Variants in TTC19 observed in about 807,000 individuals in gnomAD.
TTC19 encodes the protein tetratricopeptide repeat protein 19, mitochondrial.
In TTC19, 38 loss-of-function variants were observed where a neutral mutation model predicts 49.5. The observed-to-expected ratio is 0.77, with a 90% CI of 0.59 to 1.01. TTC19 has a LOEUF of 1.01. Ranked by LOEUF, TTC19 falls within the 50% of genes least tolerant of loss-of-function variation. The probability of loss-of-function intolerance (pLI) is 0.00; values close to 1 mark genes in which losing one functional copy is unlikely to be tolerated. For missense variants in TTC19, 475 were observed against 477.7 expected, an observed-to-expected ratio of 0.99 and a Z score of 0.05; for synonymous variants, 204 against 185.2, an observed-to-expected ratio of 1.10 and a Z score of -0.83.
chr17:16,022,449 T>A (rs1198245280), intron 7 of TTC19, among the ~76,000 whole-genome samples: 2 of 152,220 alleles, frequency 1.3e-5, no homozygotes, highest in Non-Finnish European at 2.9e-5. Flanking sequence ...AACAAGAGAT[T>A]TAGTTTAGCA....
intron 7 of TTC19, among the ~76,000 whole-genome samples, chr17:16,016,071 G>A (rs139650944): frequency 3.0e-4 from 45 of 151,944 alleles, no homozygotes; most frequent in Middle Eastern, 3.4e-3. Context: ...TTTGCTTTGG[G>A]TTTATTTTGT....
At chr17:16,035,283 T>G (rs114384924) in intron 2 of TTC19, among the ~76,000 whole-genome samples, 7 of 152,348 alleles carry the variant, frequency 4.6e-5, no homozygotes, top group East Asian at 1.9e-4. Flanking sequence ...TTAGCCACAG[T>G]AGAACTTTCA....
chr17:16,029,767 G>A (rs1052072675), downstream of TTC19: 1 of 152,458 alleles, frequency 6.6e-6, no homozygotes, highest in East Asian at 1.9e-4. Flanking sequence ...TTTGAACCAA[G>A]AACTATTATT....
intron 7 of TTC19, among the ~76,000 whole-genome samples, chr17:16,009,688 C>T (rs902305663): frequency 1.3e-5 from 2 of 152,128 alleles, no homozygotes; most frequent in African/African-American, 2.4e-5. Context: ...ATCAAATTTA[C>T]GTGCTTTTTA....
chr17:16,044,807 G>A, exon 3 of TTC19: 1 of 1,101,876 alleles, frequency 9.1e-7, no homozygotes, highest in East Asian at 2.4e-5. Flanking sequence ...CATCTACAAT[G>A]TAGGGGCTGG....
At chr17:16,004,177 C>T in intron 5 of TTC19, 24 bp from the exon 6 acceptor site, 1 of 1,610,888 alleles carries the variant, frequency 6.2e-7, no homozygotes, top group Non-Finnish European at 8.5e-7. Flanking sequence ...GTTATGAGTT[C>T]CCTTCATTCT....
downstream of TTC19, chr17:16,031,025 T>C (rs531743770): frequency 1.0e-5 from 2 of 195,900 alleles, no homozygotes; most frequent in African/African-American, 2.3e-5. Flanking sequence ...CTATGATAAA[T>C]TGTATGAAAA....
At chr17:16,025,258 A>G in intron 8 of TTC19, 87 bp downstream of exon 8, 2 of 1,418,764 alleles carry the variant, frequency 1.4e-6, no homozygotes, top group Non-Finnish European at 2.0e-6. Flanking sequence ...TGGTAACAGG[A>G]TCAGCAGATG....
intron 7 of TTC19, among the ~76,000 whole-genome samples, chr17:16,014,776 G>C (rs1215919271): frequency 6.6e-6 from 1 of 152,110 alleles, no homozygotes; most frequent in South Asian, 2.1e-4. Flanking sequence ...ACCTGTAATT[G>C]TTTCCTTCCA....
rs550775797 is a variant in TTC19 at position 15,999,871 on chromosome 17, G to T, written c.23G>T (p.Ser8Ile). 1.5e-5 allele frequency: 22 copies of T among 1,460,902 alleles called. No homozygotes were observed. Among genetic ancestry groups the T allele is most frequent in the East Asian group, 2.8e-5 (1 of 36,226 alleles). 90.5% of individuals were successfully genotyped at this position (1,460,902 alleles called of 1,614,324 possible). MFRLLSW[S>I]LGRGFLRAAG... ...AGCATGTTCCGGCTCCTGAGCTGGA[G>T]CCTGGGCCGAGGCTTCCTGCGGGCC... The change falls in exon 1 of 10, where the codon AGC becomes ATC. Residue 8 changes from serine to isoleucine, a missense_variant. By Grantham distance (142) the Ser-to-Ile change is moderately radical (BLOSUM62 -2). Coordinates refer to ENST00000261647, the MANE Select transcript of TTC19 (RefSeq NM_017775.4).
At chr17:16,024,476 T>TG (rs2151681049) in intron 7 of TTC19, 1 of 151,746 alleles carries the variant, frequency 6.6e-6, no homozygotes, top group South Asian at 2.1e-4. Flanking sequence ...TTTTTTTTTT[T>TG]TTGTATTTTT....
At chr17:16,003,239 A>G (rs8077373) in intron 4 of TTC19, among the ~76,000 whole-genome samples, 8 of 151,902 alleles carry the variant, frequency 5.3e-5, no homozygotes, top group Admixed American at 1.3e-4. Flanking sequence ...AGGGTGTCCA[A>G]TCTGCTAAAA....
intron 2 of TTC19, chr17:16,000,466 C>A: frequency 2.2e-6 from 3 of 1,336,680 alleles, no homozygotes; most frequent in South Asian, 1.6e-5. Flanking sequence ...GTGTCAAGTG[C>A]AAATGGAGAT....
chr17:16,000,389 C>T (rs1228986416), intron 2 of TTC19, 144 bp downstream of exon 2: 3 of 1,506,036 alleles, frequency 2.0e-6, no homozygotes, highest in Middle Eastern at 2.3e-4. Flanking sequence ...TGAGGTGGGT[C>T]ATCCGAGAGG....
At chr17:16,026,409 T>C in intron 8 of TTC19, 131 bp from the exon 9 acceptor site, 1 of 817,666 alleles carries the variant, frequency 1.2e-6, no homozygotes, top group Non-Finnish European at 1.9e-6. Context: ...TGTTAAAGAA[T>C]GGTATCCCTC....
At chr17:16,043,367 T>C (rs1371935392) in intron 2 of TTC19, among the ~76,000 whole-genome samples, 2 of 152,082 alleles carry the variant, frequency 1.3e-5, no homozygotes, top group Non-Finnish European at 2.9e-5. Context: ...TTCTTTAATA[T>C]AAATTCTCCT....
chr17:16,012,587 A>G (rs889335397), intron 7 of TTC19, among the ~76,000 whole-genome samples: 1 of 151,892 alleles, frequency 6.6e-6, no homozygotes, highest in Non-Finnish European at 1.5e-5. Context: ...TCTTGTCACT[A>G]TCATTCAATG....
intron 8 of TTC19, 106 bp from the exon 9 acceptor site, chr17:16,026,434 G>A: frequency 8.5e-6 from 9 of 1,055,970 alleles, no homozygotes; most frequent in Non-Finnish European, 1.2e-5. Flanking sequence ...TTTGTGGAAT[G>A]CTAGGAAAGA....
chr17:16,004,851 C>G lies in TTC19; in HGVS notation c.581+589C>G, dbSNP rs193180299. Reference sequence around the variant, plus strand: ...AGGCCCTGGCACTGTTCCCTACTGTCCTACTCACCAGCTCCTTTGTTCTCA... The same window carrying G: ...AGGCCCTGGCACTGTTCCCTACTGTGCTACTCACCAGCTCCTTTGTTCTCA... On this transcript the variant is annotated intron_variant, in intron 6 of 9. Coordinates refer to ENST00000261647, the MANE Select transcript of TTC19 (RefSeq NM_017775.4). Among the ~76,000 whole-genome samples the G allele has an allele frequency of 7.9e-5, 12 of 152,292 alleles. No individual in the cohort carries two copies. The East Asian group carries it at 1.9e-3, about 25-fold the overall frequency.
Sources: gnomAD v4.1 joint callset for allele counts (sites outside exome capture counted in the v4.1 genomes callset) on GRCh38, gnomAD v4.1.1 for gene constraint, MANE v1.5 for transcripts, NCBI Gene and HGNC (gene_info 2026-07-23, HGNC 2026-07-21) for gene names.